QKI: variants seen among roughly 807,000 people sequenced by gnomAD.
QKI encodes the protein KH domain-containing RNA-binding protein QKI.
A neutral mutation model predicts 39.0 loss-of-function variants in QKI; 10 were observed. The ratio of observed to expected loss-of-function variants is 0.26; its 90% CI spans 0.16 to 0.43. QKI has a LOEUF of 0.43. Ranked by LOEUF, QKI falls within the 20% of genes least tolerant of loss-of-function variation. QKI has a pLI of 1.00. For missense variants in QKI, 218 were observed against 428.0 expected, an observed-to-expected ratio of 0.51 and a Z score of 4.33; for synonymous variants, 204 against 155.4, an observed-to-expected ratio of 1.31 and a Z score of -2.33.
intron 4 of QKI, among the ~76,000 whole-genome samples, chr6:163,536,919 T>G (rs1449156173): frequency 6.6e-6 from 1 of 152,186 alleles, no homozygotes; most frequent in Non-Finnish European, 1.5e-5. Context: ...TCTATGAGAT[T>G]GGAACATGGC....
At chr6:163,512,396 A>G (rs922464134) in intron 3 of QKI, among the ~76,000 whole-genome samples, 1 of 152,112 alleles carries the variant, frequency 6.6e-6, no homozygotes, top group Non-Finnish European at 1.5e-5. Context: ...AGACTTTCTT[A>G]TTTTTTAATA....
chr6:163,479,217 AG>A (rs1792870415), intron 3 of QKI, among the ~76,000 whole-genome samples: 1 of 151,462 alleles, frequency 6.6e-6, no homozygotes, highest in African/African-American at 2.4e-5. Flanking sequence ...TGAACCCGGG[AG>A]GCAGAGATTT....
chr6:163,515,492 G>A (rs1349095965), intron 3 of QKI, among the ~76,000 whole-genome samples: 2 of 152,030 alleles, frequency 1.3e-5, no homozygotes, highest in African/African-American at 2.4e-5. Context: ...TGGAGAGATG[G>A]AAATATAAAT....
chr6:163,495,008 T>G (rs1457242054), intron 3 of QKI, among the ~76,000 whole-genome samples: 1 of 151,990 alleles, frequency 6.6e-6, no homozygotes, highest in Non-Finnish European at 1.5e-5. Flanking sequence ...CTCTGCCTCC[T>G]GGGTTCAGGC....
chr6:163,419,228 T>C (rs1334086481), intron 1 of QKI, among the ~76,000 whole-genome samples: 1 of 152,176 alleles, frequency 6.6e-6, no homozygotes, highest in Non-Finnish European at 1.5e-5. Context: ...AAATAGTTGC[T>C]ATTTTTTCAT....
At chr6:163,423,682 A>G (rs929712525) in intron 1 of QKI, 2 of 152,244 alleles carry the variant, frequency 1.3e-5, no homozygotes, top group Admixed American at 1.3e-4. Context: ...ACTAGAATTT[A>G]TTTTTAACGA....
At chr6:163,561,903 T>C (rs1783045069) in intron 4 of QKI, 79 bp from the exon 5 acceptor site, 3 of 1,118,494 alleles carry the variant, frequency 2.7e-6, no homozygotes, top group East Asian at 2.4e-5. Flanking sequence ...ATACTTACTT[T>C]AAGGCTTGTG....
intron 4 of QKI, among the ~76,000 whole-genome samples, chr6:163,557,058 C>G (rs2128248530): frequency 6.6e-6 from 1 of 152,160 alleles, no homozygotes; most frequent in East Asian, 1.9e-4. Context: ...TGGCTCTGTT[C>G]ACATATCCAA....
rs577591368 is a variant in QKI, at chr6:163,422,662, CAT to C, written c.142+7328_142+7329del. ...TAATGGTCACAATGTAAGTAAAGGGCATGTGTGTGCAGGCATTTATATCTGTA... is the reference window on the plus strand; with the variant it reads ...TAATGGTCACAATGTAAGTAAAGGGCGTGTGTGCAGGCATTTATATCTGTA... On this transcript the variant is annotated intron_variant, in intron 1 of 7. Coordinates refer to ENST00000361752, the MANE Select transcript of QKI (RefSeq NM_006775.3). 1.6e-4 allele frequency among the ~76,000 whole-genome samples: 24 copies of C among 152,280 alleles called. 1 individual carries two copies. In the South Asian group the frequency reaches 5.0e-3, roughly 32 times the overall value.
intron 7 of QKI, chr6:163,569,306 A>C: frequency 9.6e-7 from 1 of 1,045,778 alleles, no homozygotes; most frequent in Middle Eastern, 2.6e-4. Flanking sequence ...TTTTTGTCAT[A>C]TGAAGGTAAA....
chr6:163,448,676 G>A (rs1009349986), intron 1 of QKI, among the ~76,000 whole-genome samples: 1 of 152,166 alleles, frequency 6.6e-6, no homozygotes, highest in Non-Finnish European at 1.5e-5. Flanking sequence ...GGCGGAGGTT[G>A]CAGTGAGCTA....
intron 1 of QKI, among the ~76,000 whole-genome samples, chr6:163,450,908 CT>C (rs1790514320): frequency 6.6e-6 from 1 of 152,170 alleles, no homozygotes; most frequent in Non-Finnish European, 1.5e-5. Context: ...GAAGGAGGTT[CT>C]GGTCCCATTG....
At chr6:163,559,791 G>C (rs1022063642) in intron 4 of QKI, among the ~76,000 whole-genome samples, 1 of 152,174 alleles carries the variant, frequency 6.6e-6, no homozygotes, top group Non-Finnish European at 1.5e-5. Context: ...AATTTTGTGT[G>C]TCATTACAGC....
Position 163,414,966 on chromosome 6 carries a change from G to C in QKI, c.-228G>C, listed in dbSNP as rs985426382. On this transcript the variant is annotated 5_prime_UTR_variant, in exon 1 of 8. Coordinates refer to ENST00000361752, the MANE Select transcript of QKI (RefSeq NM_006775.3). ...CGCGCCGAGCCGGGCGGCCGAGAGC[G>C]GCGGCGGCTGGGAGCGCGTCGGGCC... is the stretch of plus-strand genomic sequence containing the variant. The C allele has an allele frequency of 9.9e-6, 2 of 201,480 alleles. No homozygotes were observed. 12.5% of individuals were successfully genotyped at this position (201,480 alleles called of 1,614,324 possible).
intron 1 of QKI, among the ~76,000 whole-genome samples, chr6:163,417,587 A>G (rs776208182): frequency 2.0e-5 from 3 of 152,194 alleles, no homozygotes; most frequent in African/African-American, 4.8e-5. Flanking sequence ...AGAAATTTCA[A>G]TTATGTCATT....
intron 1 of QKI, among the ~76,000 whole-genome samples, chr6:163,453,188 ATAG>A (rs1790700993): frequency 6.6e-6 from 1 of 151,866 alleles, no homozygotes; most frequent in East Asian, 1.9e-4. Context: ...GTTACTTATA[ATAG>A]TAGATTTTTC....
At chr6:163,452,176 C>T (rs1047599975) in intron 1 of QKI, among the ~76,000 whole-genome samples, 1 of 152,094 alleles carries the variant, frequency 6.6e-6, no homozygotes, top group African/African-American at 2.4e-5. Flanking sequence ...TGCTCTGACT[C>T]GAGTGTTCTG....
intron 3 of QKI, among the ~76,000 whole-genome samples, chr6:163,519,405 G>A (rs554381849): frequency 6.6e-6 from 1 of 152,132 alleles, no homozygotes; most frequent in African/African-American, 2.4e-5. Flanking sequence ...CAGATTTCCT[G>A]TGGGCCTTAA....
intron 2 of QKI, among the ~76,000 whole-genome samples, chr6:163,462,037 G>C (rs1222839988): frequency 3.3e-5 from 5 of 152,150 alleles, no homozygotes; most frequent in Admixed American, 3.3e-4. Flanking sequence ...GGGATGTTGA[G>C]GTTGAGTTTT....
Sources: gnomAD v4.1 joint callset for allele counts (sites outside exome capture counted in the v4.1 genomes callset) on GRCh38, gnomAD v4.1.1 for gene constraint, MANE v1.5 for transcripts, NCBI Gene and HGNC (gene_info 2026-07-23, HGNC 2026-07-21) for gene names.